SGCZ: variants seen among roughly 807,000 people sequenced by gnomAD.
SGCZ encodes the protein sarcoglycan zeta.
SGCZ carries 40 observed loss-of-function variants against 41.3 expected under a neutral mutation model. The observed-to-expected ratio is 0.97, with a 90% CI of 0.75 to 1.26. The LOEUF is 1.26. Ranked by LOEUF, SGCZ falls within the 50% of genes most tolerant of loss-of-function variation. SGCZ has a pLI of 0.00. For synonymous variants in SGCZ, 206 were observed against 137.5 expected (o/e 1.50, Z -3.49); for missense variants, 552 against 369.8 (o/e 1.49, Z -4.04).
chr8:15,159,981 C>G (rs1044264203), intron 1 of SGCZ, among the ~76,000 whole-genome samples: 2 of 151,810 alleles, frequency 1.3e-5, no homozygotes, highest in Admixed American at 1.3e-4. Flanking sequence ...AGAACAGCAG[C>G]ATCAAGACCT....
At chr8:14,467,288 A>C (rs1046734974) in intron 2 of SGCZ, among the ~76,000 whole-genome samples, 3 of 152,010 alleles carry the variant, frequency 2.0e-5, no homozygotes, top group Admixed American at 1.3e-4. Flanking sequence ...GTGGTGGGGC[A>C]CTGGCCCTTT....
intron 7 of SGCZ, among the ~76,000 whole-genome samples, chr8:14,099,024 TA>T (rs1801929986): frequency 6.6e-6 from 1 of 152,172 alleles, no homozygotes; most frequent in South Asian, 2.1e-4. Flanking sequence ...TCCACCCATA[TA>T]AAAAGTCATT....
At chr8:14,945,170 G>T (rs1757970846) in intron 1 of SGCZ, among the ~76,000 whole-genome samples, 1 of 101,388 alleles carries the variant, frequency 9.9e-6, no homozygotes, top group Non-Finnish European at 1.9e-5. Context: ...GTGGGTGGGG[G>T]GGGTGGGCGG....
At chr8:14,850,312 G>T (rs1803269181) in intron 1 of SGCZ, among the ~76,000 whole-genome samples, 1 of 152,134 alleles carries the variant, frequency 6.6e-6, no homozygotes, top group African/African-American at 2.4e-5. Flanking sequence ...GCATAGTCAT[G>T]GTTGTCAAGG....
At chr8:14,930,984 G>A (rs566822368) in intron 1 of SGCZ, among the ~76,000 whole-genome samples, 29 of 152,148 alleles carry the variant, frequency 1.9e-4, no homozygotes, top group African/African-American at 6.8e-4. Flanking sequence ...GGTACGTTCT[G>A]CACATGTACC....
intron 2 of SGCZ, among the ~76,000 whole-genome samples, chr8:14,352,141 T>A (rs1563274222): frequency 6.6e-6 from 1 of 152,086 alleles, no homozygotes; most frequent in Non-Finnish European, 1.5e-5. Flanking sequence ...ATGAAATGCA[T>A]CTTTCAGGGT....
At chr8:14,364,196 T>C (rs889837660) in intron 2 of SGCZ, among the ~76,000 whole-genome samples, 1 of 128,642 alleles carries the variant, frequency 7.8e-6, no homozygotes, top group Non-Finnish European at 1.7e-5. Flanking sequence ...AATAATGTTT[T>C]AAGCACAATT....
chr8:14,281,660 A>C (rs1156451039), intron 3 of SGCZ, among the ~76,000 whole-genome samples: 1 of 152,140 alleles, frequency 6.6e-6, no homozygotes, highest in Non-Finnish European at 1.5e-5. Context: ...CTCTTAATAC[A>C]AATATACATC....
At chr8:14,475,634 G>C (rs1801335804) in intron 2 of SGCZ, among the ~76,000 whole-genome samples, 1 of 152,074 alleles carries the variant, frequency 6.6e-6, no homozygotes, top group East Asian at 1.9e-4. Flanking sequence ...AATTGTTGGA[G>C]ATAAAACCAA....
At chr8:15,045,805 TC>T (rs1400010119) in intron 1 of SGCZ, among the ~76,000 whole-genome samples, 1 of 151,946 alleles carries the variant, frequency 6.6e-6, no homozygotes, top group Non-Finnish European at 1.5e-5. Flanking sequence ...TCAATTCCCC[TC>T]AGTGCAGACA....
intron 2 of SGCZ, among the ~76,000 whole-genome samples, chr8:14,471,624 A>C (rs1801215164): frequency 6.6e-6 from 1 of 152,098 alleles, no homozygotes; most frequent in Non-Finnish European, 1.5e-5. Flanking sequence ...AACTCCCTGG[A>C]AAAGTAATTT....
intron 1 of SGCZ, among the ~76,000 whole-genome samples, chr8:14,642,270 A>C (rs1807050847): frequency 6.6e-6 from 1 of 151,692 alleles, no homozygotes. Flanking sequence ...AATTGTAACA[A>C]TATCATTATT....
intron 3 of SGCZ, among the ~76,000 whole-genome samples, chr8:14,246,815 C>G (rs1314837443): frequency 7.0e-6 from 1 of 142,690 alleles, no homozygotes; most frequent in Admixed American, 7.5e-5. Flanking sequence ...GAGGCTGAGG[C>G]AGTAGAATGG....
intron 1 of SGCZ, among the ~76,000 whole-genome samples, chr8:14,824,906 A>AT (rs1262698435): frequency 6.6e-6 from 1 of 151,992 alleles, no homozygotes; most frequent in Non-Finnish European, 1.5e-5. Context: ...ATGGATACCA[A>AT]TTTTTTGTCA....
At chr8:14,563,518 G>A (rs1370747637) in intron 1 of SGCZ, among the ~76,000 whole-genome samples, 1 of 152,132 alleles carries the variant, frequency 6.6e-6, no homozygotes, top group African/African-American at 2.4e-5. Flanking sequence ...AGAATGCCTT[G>A]TTTTATTTTC....
At chr8:14,415,467 A>G (rs1799469257) in intron 2 of SGCZ, among the ~76,000 whole-genome samples, 1 of 151,906 alleles carries the variant, frequency 6.6e-6, no homozygotes, top group Admixed American at 6.6e-5. Flanking sequence ...AAAAAGACAA[A>G]TTGCCATAGG....
At chr8:14,780,544 C>G (rs1174093420) in intron 1 of SGCZ, among the ~76,000 whole-genome samples, 1 of 151,934 alleles carries the variant, frequency 6.6e-6, no homozygotes, top group African/African-American at 2.4e-5. Flanking sequence ...CAGACACTTT[C>G]AGGAGAACGA....
At chr8:14,264,674 G>T (rs1052162463) in intron 3 of SGCZ, among the ~76,000 whole-genome samples, 1 of 152,148 alleles carries the variant, frequency 6.6e-6, no homozygotes, top group African/African-American at 2.4e-5. Flanking sequence ...TAAAACCCCA[G>T]ATGGTTGCCG....
chr8:14,498,906 A>ATT lies in SGCZ; in HGVS notation c.234+55824_234+55825dup. Among the ~76,000 whole-genome samples the ATT allele has an allele frequency of 3.4e-5, 5 of 146,054 alleles. 1 individual carries two copies. The highest frequency in any genetic ancestry group is 1.2e-4 in the African/African-American group (5 of 40,244). On this transcript the variant is annotated intron_variant, in intron 2 of 7. Coordinates refer to ENST00000382080, the MANE Select transcript of SGCZ (RefSeq NM_139167.4). ...TTCAGGACATTTCGATGTCTTAGTC[A>ATT]TTTTTTTTTTTCATGAAGAATTCTT...
Sources: allele counts gnomAD v4.1 joint callset (sites outside exome capture counted in the v4.1 genomes callset), GRCh38; gene constraint gnomAD v4.1.1; transcripts MANE v1.5; gene names NCBI Gene and HGNC (gene_info 2026-07-23, HGNC 2026-07-21).